Variants in THSD7B observed in about 807,000 individuals in gnomAD.
The protein encoded by THSD7B is thrombospondin type 1 domain containing 7B.
In THSD7B, 138 loss-of-function variants were observed where a neutral mutation model predicts 213.6. The observed-to-expected ratio is 0.65, with a 90% confidence interval of 0.56 to 0.74. The LOEUF (loss-of-function observed/expected upper bound fraction) is 0.74, where lower values mean the gene tolerates loss of function less well. THSD7B is among the 30% of genes least tolerant of loss of function. The pLI is 0.00. For synonymous variants in THSD7B, 742 were observed against 687.0 expected, an observed-to-expected ratio of 1.08 and a Z score of -1.25; for missense variants, 1,931 against 1,991.5, an observed-to-expected ratio of 0.97 and a Z score of 0.58.
At chr2:137,107,356 G>A (rs1688273350) in intron 4 of THSD7B, among the ~76,000 whole-genome samples, 1 of 152,168 alleles carries the variant, frequency 6.6e-6, no homozygotes, top group South Asian at 2.1e-4. Context: ...TGGACACAGG[G>A]AGGAGAAGGT....
chr2:136,925,352 T>C (rs746213333), intron 2 of THSD7B, among the ~76,000 whole-genome samples: 28 of 152,188 alleles, frequency 1.8e-4, no homozygotes, highest in Non-Finnish European at 5.9e-5. Flanking sequence ...TACACTATAT[T>C]CCTAGTTTGT....
chr2:137,401,043 C>G (rs1000224418), intron 12 of THSD7B, among the ~76,000 whole-genome samples: 1 of 152,176 alleles, frequency 6.6e-6, no homozygotes, highest in African/African-American at 2.4e-5. Flanking sequence ...AGTGCTTCAG[C>G]CTTGGCCAGC....
chr2:137,411,655 T>A lies in THSD7B; in HGVS notation c.2742T>A (p.Pro914=), dbSNP rs759956409. The change falls in exon 14 of 28, where the codon CCT becomes CCA. Residue 914 remains proline (P), a synonymous_variant. Coordinates refer to ENST00000409968, the MANE Select transcript of THSD7B (RefSeq NM_001316349.2). ...AATGCCAGGATTCTGACCTTTACCC[T>A]CTAGTGGAGACAGAACTATGTCCTT... ...KEKCQDSDLY[P]LVETELCPCD... The A allele has an allele frequency of 1.9e-6, 3 of 1,613,968 alleles. No individual in the cohort carries two copies. The highest frequency in any genetic ancestry group is 2.5e-6 in the Non-Finnish European group (3 of 1,179,888).
chr2:136,867,793 A>G (rs1683367897), intron 1 of THSD7B, among the ~76,000 whole-genome samples: 1 of 152,184 alleles, frequency 6.6e-6, no homozygotes, highest in South Asian at 2.1e-4. Context: ...TACCCAGTGA[A>G]CTTTACTTCT....
At chr2:137,396,825 T>C (rs947500501) in intron 12 of THSD7B, among the ~76,000 whole-genome samples, 1 of 151,872 alleles carries the variant, frequency 6.6e-6, no homozygotes, top group African/African-American at 2.4e-5. Context: ...CAGTTAGGAC[T>C]TGCTTTATGA....
rs1683245222 is a variant in THSD7B at position 137,656,822 on chromosome 2, G to C, written c.4132G>C (p.Glu1378Gln). ...AGACTGCCATTTAACAGAATGGTCA[G>C]AGTGGAGCACATGTGAATTAACCTG... Reference protein sequence around the residue: ...PGDCHLTEWSEWSTCELTCID... With the variant: ...PGDCHLTEWSQWSTCELTCID... Residue 1378 changes from glutamate (E) to glutamine (Q), a missense_variant, in exon 23 of 28, where the codon GAG becomes CAG. By Grantham distance (29) the Glu-to-Gln change is conservative. Transcript: ENST00000409968. 1.2e-6 allele frequency: 2 copies of C among 1,613,962 alleles called. No individual in the cohort carries two copies. The highest frequency in any genetic ancestry group is 1.7e-6 in the Non-Finnish European group (2 of 1,179,868).
intron 2 of THSD7B, among the ~76,000 whole-genome samples, chr2:136,940,098 G>C (rs1684795923): frequency 1.3e-5 from 2 of 152,052 alleles, no homozygotes; most frequent in Non-Finnish European, 2.9e-5. Context: ...TAAAGACTGA[G>C]CTTTTAGTGT....
At chr2:137,620,351 C>T (rs554912139) in intron 19 of THSD7B, among the ~76,000 whole-genome samples, 16 of 152,242 alleles carry the variant, frequency 1.1e-4, no homozygotes, top group South Asian at 8.3e-4. Context: ...TGTAATCAGA[C>T]GCCTCTGCTT....
intron 12 of THSD7B, among the ~76,000 whole-genome samples, chr2:137,350,242 C>G (rs900337043): frequency 6.6e-6 from 1 of 151,592 alleles, no homozygotes; most frequent in Non-Finnish European, 1.5e-5. Context: ...ATAAATAAGT[C>G]TAATAAAGCT....
intron 12 of THSD7B, among the ~76,000 whole-genome samples, chr2:137,277,712 C>T (rs1323781760): frequency 6.6e-6 from 1 of 152,092 alleles, no homozygotes; most frequent in Non-Finnish European, 1.5e-5. Flanking sequence ...AACAGGATTA[C>T]ACCTAAGTGT....
chr2:136,963,357 TAAAAG>T (rs985710999), intron 2 of THSD7B, among the ~76,000 whole-genome samples: 13 of 152,184 alleles, frequency 8.5e-5, no homozygotes, highest in African/African-American at 2.9e-4. Context: ...AAAGGGAAAT[TAAAAG>T]GAAAGAACGG....
chr2:136,921,055 G>A (rs992892203), intron 2 of THSD7B, among the ~76,000 whole-genome samples: 2 of 151,880 alleles, frequency 1.3e-5, no homozygotes, highest in Admixed American at 1.3e-4. Flanking sequence ...CCGGGAGTGC[G>A]GCCTTCTGCA....
At chr2:136,913,094 A>G (rs1165584207) in intron 2 of THSD7B, among the ~76,000 whole-genome samples, 1 of 152,228 alleles carries the variant, frequency 6.6e-6, no homozygotes, top group Non-Finnish European at 1.5e-5. Context: ...GACAACAAAA[A>G]TGAAGGCTGA....
intron 15 of THSD7B, among the ~76,000 whole-genome samples, chr2:137,544,251 C>G (rs1343634353): frequency 1.3e-5 from 2 of 151,626 alleles, no homozygotes; most frequent in South Asian, 2.1e-4. Flanking sequence ...TACGTTCACA[C>G]AAATGAGTAC....
Position 137,677,576 on chromosome 2 carries a change from A to T in THSD7B, c.*971A>T, listed in dbSNP as rs1683732490. Reference sequence around the variant, plus strand: ...CAAAGTCTTGCTTTTATAAGGTTTCAATAATATCTAAAACAACACATTAAA... The same window carrying T: ...CAAAGTCTTGCTTTTATAAGGTTTCTATAATATCTAAAACAACACATTAAA... On this transcript the variant is annotated 3_prime_UTR_variant, in exon 28 of 28. Coordinates refer to ENST00000409968, the MANE Select transcript of THSD7B (RefSeq NM_001316349.2). 6.6e-6 allele frequency: 1 copy of T among 152,658 alleles called. No individual in the cohort carries two copies. The highest frequency in any genetic ancestry group is 1.5e-5 in the Non-Finnish European group (1 of 68,046). 9.5% of individuals were successfully genotyped at this position (152,658 alleles called of 1,614,324 possible). A position where few individuals can be genotyped will look rare whatever the true frequency, so the allele number is the denominator to read the frequency against.
At chr2:137,047,394 G>A (rs1341298635) in intron 2 of THSD7B, among the ~76,000 whole-genome samples, 1 of 152,160 alleles carries the variant, frequency 6.6e-6, no homozygotes, top group Non-Finnish European at 1.5e-5. Context: ...TGTTGTTACC[G>A]AGCACAGGCT....
intron 15 of THSD7B, among the ~76,000 whole-genome samples, chr2:137,511,777 G>A (rs1462357171): frequency 6.6e-6 from 1 of 152,182 alleles, no homozygotes; most frequent in African/African-American, 2.4e-5. Context: ...GATCATTACT[G>A]TGCCTCACCT....
chr2:136,910,874 T>G (rs1684245695), intron 2 of THSD7B, among the ~76,000 whole-genome samples: 1 of 152,150 alleles, frequency 6.6e-6, no homozygotes, highest in Admixed American at 6.6e-5. Flanking sequence ...GCTACTACTT[T>G]GCTGGTTTTG....
chr2:136,855,083 G>T (rs1683156421), intron 1 of THSD7B, among the ~76,000 whole-genome samples: 1 of 152,040 alleles, frequency 6.6e-6, no homozygotes, highest in South Asian at 2.1e-4. Context: ...CCTGTTTCCA[G>T]TCATGGAACT....
Sources: allele counts gnomAD v4.1 joint callset (sites outside exome capture counted in the v4.1 genomes callset), GRCh38; gene constraint gnomAD v4.1.1; transcripts MANE v1.5; gene names NCBI Gene and HGNC (gene_info 2026-07-23, HGNC 2026-07-21).